Variants in ATP11A observed in about 807,000 individuals in gnomAD.
ATP11A encodes phospholipid-transporting ATPase IH.
In ATP11A, 81 loss-of-function variants were observed where a neutral mutation model predicts 154.4. The ratio of observed to expected loss-of-function variants is 0.52; its 90% CI spans 0.44 to 0.63. The LOEUF (loss-of-function observed/expected upper bound fraction) is 0.63, where lower values mean the gene tolerates loss of function less well. ATP11A is among the 30% of genes least tolerant of loss of function. ATP11A has a pLI of 0.00. For missense variants in ATP11A, 1,316 were observed against 1,474.3 expected, an observed-to-expected ratio of 0.89 and a Z score of 1.76; for synonymous variants, 623 against 585.9, an observed-to-expected ratio of 1.06 and a Z score of -0.91.
intron 29 of ATP11A, chr13:112,880,319 C>T (rs1158827060): frequency 5.2e-6 from 1 of 194,142 alleles, no homozygotes; most frequent in Non-Finnish European, 1.0e-5. Context: ...CTGTCGCTGT[C>T]TCAGTTCTGG....
At chr13:112,871,051 G>A (rs562097563) in intron 25 of ATP11A, among the ~76,000 whole-genome samples, 17 of 152,338 alleles carry the variant, frequency 1.1e-4, no homozygotes, top group African/African-American at 2.9e-4. Context: ...GGCAGCCTCT[G>A]TCCAGCCCTG....
chr13:112,816,777 C>A (rs2078658701), intron 6 of ATP11A, among the ~76,000 whole-genome samples: 1 of 152,190 alleles, frequency 6.6e-6, no homozygotes, highest in African/African-American at 2.4e-5. Context: ...CTGTAACAAC[C>A]AATTACCTCA....
At chr13:112,713,190 T>A (rs1294313160) in intron 1 of ATP11A, among the ~76,000 whole-genome samples, 1 of 151,752 alleles carries the variant, frequency 6.6e-6, no homozygotes, top group East Asian at 1.9e-4. Flanking sequence ...AGGTCAGGAG[T>A]TTGAGACCGG....
At chr13:112,756,887 G>A (rs1174773626) in intron 1 of ATP11A, among the ~76,000 whole-genome samples, 1 of 151,666 alleles carries the variant, frequency 6.6e-6, no homozygotes, top group Non-Finnish European at 1.5e-5. Context: ...CTCCCAGCAC[G>A]GGGCCTGCTC....
chr13:112,874,365 G>A (rs1297023473), intron 27 of ATP11A, among the ~76,000 whole-genome samples: 2 of 152,216 alleles, frequency 1.3e-5, no homozygotes, highest in Non-Finnish European at 2.9e-5. Flanking sequence ...GTGGTCAGTC[G>A]AGGCAGAGCA....
chr13:112,822,319 A>G (rs745578545), intron 8 of ATP11A, among the ~76,000 whole-genome samples: 2 of 152,214 alleles, frequency 1.3e-5, no homozygotes, highest in Non-Finnish European at 2.9e-5. Context: ...TAAGCCCCTG[A>G]TGGCAGAGAC....
At chr13:112,813,172 G>A (rs1420933167) in intron 5 of ATP11A, among the ~76,000 whole-genome samples, 5 of 152,224 alleles carry the variant, frequency 3.3e-5, no homozygotes, top group Non-Finnish European at 7.3e-5. Context: ...CTTTGAGAGT[G>A]CTAGAGCGTC....
At chr13:112,739,581 T>G (rs962674136) in intron 1 of ATP11A, among the ~76,000 whole-genome samples, 3 of 152,234 alleles carry the variant, frequency 2.0e-5, no homozygotes, top group African/African-American at 7.2e-5. Context: ...TACAGGAATA[T>G]GAAGAGTTAC....
intron 2 of ATP11A, among the ~76,000 whole-genome samples, chr13:112,798,870 C>G (rs2140108125): frequency 6.6e-6 from 1 of 152,256 alleles, no homozygotes; most frequent in South Asian, 2.1e-4. Flanking sequence ...AAACCAAATA[C>G]AGAAACTGTC....
chr13:112,740,391 C>A (rs1891433379), intron 1 of ATP11A, among the ~76,000 whole-genome samples: 1 of 152,100 alleles, frequency 6.6e-6, no homozygotes, highest in South Asian at 2.1e-4. Context: ...CCAGGCTGGT[C>A]TTGAACTCCT....
At position 112,825,487 on chromosome 13, in the gene ATP11A, A is replaced by G; in HGVS notation, c.930A>G (p.Ile310Met). The change falls in exon 11 of 30, where the codon ATA becomes ATG. Residue 310 changes from isoleucine to methionine, a missense_variant. This residue lies in a region of ATP11A where 876 missense variants were observed against 1,006.8 expected (regional missense o/e 0.87). Coordinates refer to ENST00000375645, the MANE Select transcript of ATP11A (RefSeq NM_015205.3). ...GCATTCTGATCAGCAAAGCCCTGAT[A>G]AACACTGTGCTGAAATACATGTGGC... ...YLCILISKAL[I>M]NTVLKYMWQS... 6.2e-7 allele frequency: 1 copy of G among 1,614,032 alleles called. No individual in the cohort carries two copies. The highest frequency in any genetic ancestry group is 8.5e-7 in the Non-Finnish European group (1 of 1,179,942).
chr13:112,779,346 A>G (rs1175376520), intron 1 of ATP11A, among the ~76,000 whole-genome samples: 2 of 88,342 alleles, frequency 2.3e-5, no homozygotes, highest in South Asian at 4.0e-4. Context: ...TAGCCGCTGG[A>G]GTGAGTAGCC....
chr13:112,729,401 G>A (rs950716613), intron 1 of ATP11A, among the ~76,000 whole-genome samples: 12 of 150,564 alleles, frequency 8.0e-5, no homozygotes, highest in East Asian at 5.8e-4. Context: ...AGTATCTAAC[G>A]CGTCCGAGTG....
At chr13:112,709,873 T>A (rs1887543013) in intron 1 of ATP11A, among the ~76,000 whole-genome samples, 1 of 152,286 alleles carries the variant, frequency 6.6e-6, no homozygotes. Flanking sequence ...TTGACTCTTG[T>A]TGTCAACTGT....
chr13:112,792,916 C>T (rs183019034), intron 2 of ATP11A, among the ~76,000 whole-genome samples: 1 of 152,342 alleles, frequency 6.6e-6, no homozygotes, highest in Admixed American at 6.5e-5. Context: ...TCCCTCCATG[C>T]CTTCAAGAAA....
chr13:112,828,548 A>T (rs2079006491), intron 12 of ATP11A, among the ~76,000 whole-genome samples: 1 of 147,192 alleles, frequency 6.8e-6, no homozygotes, highest in Admixed American at 6.7e-5. Flanking sequence ...AGTAGGGGGG[A>T]AAGCGCCAAG....
chr13:112,792,720 C>A (rs1054690843), intron 2 of ATP11A, among the ~76,000 whole-genome samples: 6 of 152,208 alleles, frequency 3.9e-5, no homozygotes, highest in Non-Finnish European at 7.3e-5. Context: ...TTCCCTGCTT[C>A]CTGTGCTGTG....
chr13:112,881,644 G>A (rs920345953), intron 29 of ATP11A: 10 of 1,196,480 alleles, frequency 8.4e-6, no homozygotes, highest in Non-Finnish European at 1.1e-5. Flanking sequence ...TGGCTTCTCT[G>A]GTGGGGTGGA....
intron 4 of ATP11A, among the ~76,000 whole-genome samples, chr13:112,808,596 T>TTGTGCTGGGGTCCCC (rs1566512137): frequency 1.3e-5 from 2 of 152,176 alleles, no homozygotes; most frequent in East Asian, 3.9e-4. Context: ...GCAGGGCTGT[T>TTGTGCTGGGGTCCCC]TGTGCTGGGG....
Sources: gnomAD v4.1 joint callset for allele counts (sites outside exome capture counted in the v4.1 genomes callset) on GRCh38, gnomAD v4.1.1 for gene constraint, gnomAD v4.1.1 regional missense constraint, MANE v1.5 for transcripts, NCBI Gene and HGNC (gene_info 2026-07-23, HGNC 2026-07-21) for gene names.